The following NKX3-2 variants were observed in gnomAD, a reference collection of about 807,000 sequenced individuals.
NKX3-2 encodes the protein NK3 homeobox 2.
In NKX3-2, 13 loss-of-function variants were observed where a neutral mutation model predicts 19.4. The observed-to-expected ratio is 0.67, with a 90% confidence interval of 0.44 to 1.07. The LOEUF (loss-of-function observed/expected upper bound fraction) is 1.07, where lower values mean the gene tolerates loss of function less well. NKX3-2 is among the 50% of genes least tolerant of loss of function. The pLI, the probability that NKX3-2 is intolerant of heterozygous loss-of-function variation, is 0.00. For missense variants in NKX3-2, 562 were observed against 488.2 expected, an observed-to-expected ratio of 1.15 and a Z score of -1.42; for synonymous variants, 269 against 230.5, an observed-to-expected ratio of 1.17 and a Z score of -1.51.
Position 13,541,725 on chromosome 4 carries a change from T to G in NKX3-2, c.*268A>C. On this transcript the variant is annotated 3_prime_UTR_variant, in exon 2 of 2. Transcript: ENST00000382438. ...TTTAATTCCAACATTGTCATGATAA[T>G]AAATAGAGCCCAGGGGCTTCCAGGC... is the stretch of plus-strand genomic sequence containing the variant. 1 of 440,966 alleles carries G rather than the reference T, an allele frequency of 2.3e-6. No individual in the cohort carries two copies. The highest frequency in any genetic ancestry group is 5.3e-5 in the South Asian group (1 of 18,746). 27.3% of individuals were successfully genotyped at this position (440,966 alleles called of 1,614,324 possible). A position where few individuals can be genotyped will look rare whatever the true frequency, so the allele number is the denominator to read the frequency against.
At chr4:13,546,200 G>A (rs978417150), upstream of NKX3-2, 6 of 152,218 alleles carry the variant, frequency 3.9e-5, no homozygotes, top group Non-Finnish European at 8.8e-5. Flanking sequence ...CACCGCAGAA[G>A]GAAATACACT....
chr4:13,547,089 CG>C (rs1280622872), upstream of NKX3-2: 1 of 456,240 alleles, frequency 2.2e-6, no homozygotes, highest in South Asian at 1.5e-5. Flanking sequence ...GGTGAACTCG[CG>C]GGTCTTGAGC....
Position 13,544,387 on chromosome 4 carries a change from TC to T in NKX3-2, c.27del (p.Thr10ArgfsTer114). On this transcript the variant is annotated frameshift_variant, in exon 1 of 2. Coordinates refer to ENST00000382438, the MANE Select transcript of NKX3-2 (RefSeq NM_001189.4). LOFTEE classifies it high-confidence loss of function. The stretch of plus-strand genomic sequence containing the variant: ...AGGATCGCCTGGATGGAGAAGGACG[TC>T]AAGGTGTTGGCGCCGCGCACAGCCA... MAVRGANT[L>X]TSFSIQAILN... 1 of 1,547,724 alleles carries T rather than the reference TC, an allele frequency of 6.5e-7. No homozygotes were observed. Among genetic ancestry groups the T allele is most frequent in the Non-Finnish European group, 8.6e-7 (1 of 1,156,798 alleles).
At chr4:13,545,949 T>C (rs1718123615), upstream of NKX3-2, 1 of 152,236 alleles carries the variant, frequency 6.6e-6, no homozygotes, top group African/African-American at 2.4e-5. Context: ...ATTGTGGGTA[T>C]ATAAAAACAT....
rs773583234 is a variant in NKX3-2, at chr4:13,542,452, G to T, written c.543C>A (p.Ala181=). Residue 181 remains alanine, a synonymous_variant, in exon 2 of 2, where the codon GCC becomes GCA. Transcript: ENST00000382438. The surrounding 1 kb of genome is among the most constrained non-coding windows in gnomAD (Gnocchi z 6.4). Reference sequence around the variant, plus strand: ...CCGGCCCGCTGCCGCCCCCGCCGCCGGCCCCGCTGCACAGCGCGGACACGT... The same window carrying T: ...CCGGCCCGCTGCCGCCCCCGCCGCCTGCCCCGCTGCACAGCGCGGACACGT... ...GAHVSALCSG[A]GGGGGSGPAG... The T allele has an allele frequency of 1.3e-6, 2 of 1,578,390 alleles. No homozygotes were observed. Among genetic ancestry groups the T allele is most frequent in the East Asian group, 2.3e-5 (1 of 43,756 alleles).
In NKX3-2 at chr4:13,542,170, G is replaced by A; in HGVS notation, c.825C>T (p.Pro275=). ...CCTTTACGGCCACCTTCTTGGCGGC[G>A]GGCGCCGAGGCCAGCAGGTCGGCTG... is the stretch of plus-strand genomic sequence containing the variant. ...QMAADLLASA[P]AAKKVAVKVL... is the part of the protein sequence containing the mutation. Residue 275 remains proline, a synonymous_variant, in exon 2 of 2, where the codon CCC becomes CCT. Coordinates refer to ENST00000382438, the MANE Select transcript of NKX3-2 (RefSeq NM_001189.4). This position sits in a 1 kb window ranked among gnomAD's most constrained non-coding sequence, Gnocchi z 6.4. 1.2e-6 allele frequency: 2 copies of A among 1,608,546 alleles called. No individual in the cohort carries two copies. Among genetic ancestry groups the A allele is most frequent in the South Asian group, 2.2e-5 (2 of 90,418 alleles).
chr4:13,545,142 C>T (rs1277752852), upstream of NKX3-2: 2 of 152,486 alleles, frequency 1.3e-5, no homozygotes, highest in Admixed American at 6.5e-5. Context: ...CATTGGCTGG[C>T]TCCAGTTGGG....
In NKX3-2 at chr4:13,544,272, G is replaced by T. The variant is rs746952594; in HGVS notation, c.143C>A (p.Ala48Asp). ...CCCAAAGAGCCGCCAACAGCAGACA[G>T]CGGGAGCCGCGGCCACCGATGCCGC... is the stretch of plus-strand genomic sequence containing the variant. ...GTAASVAAAP[A>D]VCCWRLFGER... Residue 48 changes from alanine to aspartate, a missense_variant, in exon 1 of 2, where the codon GCT (alanine) becomes GAT (aspartate). Transcript: ENST00000382438. The T allele has an allele frequency of 6.4e-7, 1 of 1,551,998 alleles. No individual in the cohort carries two copies.
Position 13,544,117 on chromosome 4 carries a change from C to T in NKX3-2, c.298G>A (p.Glu100Lys). Residue 100 changes from glutamate (E) to lysine (K), a missense_variant, in exon 1 of 2, where the codon GAG becomes AAG. Glu to Lys is a moderately conservative substitution (Grantham distance 56, BLOSUM62 1). Transcript: ENST00000382438. ...GCGCAGCGCCGCCTGCTCTCGTTCT[C>T]CTCGCTGAGCGCGGAGTCCGAGTCC... ...GWDSDSALSE[E>K]NESRRRCADA... The T allele has an allele frequency of 1.2e-6, 2 of 1,601,886 alleles. No individual in the cohort carries two copies. Among genetic ancestry groups the T allele is most frequent in the Non-Finnish European group, 1.7e-6 (2 of 1,176,672 alleles).
upstream of NKX3-2, chr4:13,547,042 T>C (rs1382826221): frequency 2.2e-6 from 1 of 456,216 alleles, no homozygotes; most frequent in African/African-American, 2.0e-5. Flanking sequence ...TGTGGGTGAC[T>C]GTAGGCAGAG....
chr4:13,541,961 G>C lies in NKX3-2; in HGVS notation c.*32C>G, dbSNP rs1717995321. 1 of 1,557,882 alleles carries C rather than the reference G, an allele frequency of 6.4e-7. No homozygotes were observed. Among genetic ancestry groups the C allele is most frequent in the Non-Finnish European group, 8.7e-7 (1 of 1,151,666 alleles). ...CAGCGCCGGTCCGGAGCCGGAGCGC[G>C]GGAATCACTCGCTGCCTCAGCCCAA... On this transcript the variant is annotated 3_prime_UTR_variant, in exon 2 of 2. Transcript: ENST00000382438.
upstream of NKX3-2, among the ~76,000 whole-genome samples, chr4:13,545,892 A>T (rs1223514198): frequency 6.6e-6 from 1 of 152,252 alleles, no homozygotes; most frequent in African/African-American, 2.4e-5. Context: ...AAAATAAGAA[A>T]TGCATTGTAT....
chr4:13,542,437 G>GCCGCCC lies in NKX3-2; in HGVS notation c.552_557dup (p.Gly185_Gly186dup). 1.9e-6 allele frequency: 3 copies of GCCGCCC among 1,559,240 alleles called. No homozygotes were observed. The highest frequency in any genetic ancestry group is 2.6e-6 in the Non-Finnish European group (3 of 1,160,140). Reference sequence around the variant, plus strand: ...CCTCCGCGACGCCTGCCGGCCCGCTGCCGCCCCCGCCGCCGGCCCCGCTGC... The same window carrying GCCGCCC: ...CCTCCGCGACGCCTGCCGGCCCGCTGCCGCCCCCGCCCCCGCCGCCGGCCCCGCTGC... On this transcript the variant is annotated inframe_insertion, in exon 2 of 2. Coordinates refer to ENST00000382438, the MANE Select transcript of NKX3-2 (RefSeq NM_001189.4). This position sits in a 1 kb window ranked among gnomAD's most constrained non-coding sequence, Gnocchi z 6.4.
In NKX3-2 at chr4:13,542,468, G is replaced by A. The variant is rs1431941324; in HGVS notation, c.527C>T (p.Ala176Val). Reference protein sequence around the residue: ...GVGPRGAHVSALCSGAGGGGG... With the variant: ...GVGPRGAHVSVLCSGAGGGGG... Reference sequence around the variant, plus strand: ...CCCGCCGCCGGCCCCGCTGCACAGCGCGGACACGTGTGCACCTCTGGGGCC... The same window carrying A: ...CCCGCCGCCGGCCCCGCTGCACAGCACGGACACGTGTGCACCTCTGGGGCC... The change falls in exon 2 of 2, where the codon GCG (alanine) becomes GTG (valine). Residue 176 changes from alanine to valine, a missense_variant. Physicochemically the swap from Ala to Val is moderately conservative, Grantham distance 64 (BLOSUM62 0). Transcript: ENST00000382438. This position sits in a 1 kb window ranked among gnomAD's most constrained non-coding sequence, Gnocchi z 6.4. The A allele has an allele frequency of 5.6e-6, 9 of 1,595,454 alleles. No individual in the cohort carries two copies. The East Asian group carries it at 1.8e-4, about 32-fold the overall frequency.
At chr4:13,546,894 C>A (rs1020923476), upstream of NKX3-2, 3 of 455,896 alleles carry the variant, frequency 6.6e-6, no homozygotes, top group African/African-American at 4.0e-5. Flanking sequence ...TGTGGTTTGG[C>A]GACTTTGAGT....
In NKX3-2 at chr4:13,543,920, GC is replaced by G; in HGVS notation, c.466+28del. On this transcript the variant is annotated intron_variant, in intron 1 of 1. Transcript: ENST00000382438. The surrounding 1 kb of genome is among the most constrained non-coding windows in gnomAD (Gnocchi z 7.1). ...CCTCCGCGTCCATCCCCTCAGCCCG[GC>G]CCCCATCCCCGCGAAGCCGCAGCAG... 2 of 1,523,764 alleles carry G rather than the reference GC, an allele frequency of 1.3e-6. No individual in the cohort carries two copies. The allele number at this position is 1,523,764 out of a possible 1,614,324, so 94.4% of individuals were successfully genotyped here.
In NKX3-2 at chr4:13,542,314, G is replaced by C. The variant is rs1336029960; in HGVS notation, c.681C>G (p.His227Gln). Residue 227 changes from histidine (H) to glutamine (Q), a missense_variant, in exon 2 of 2, where the codon CAC becomes CAG. Physicochemically the swap from His to Gln is conservative, Grantham distance 24 (BLOSUM62 0). Transcript: ENST00000382438. This position sits in a 1 kb window ranked among gnomAD's most constrained non-coding sequence, Gnocchi z 6.4. The part of the protein sequence containing the change: ...QVFELERRFN[H>Q]QRYLSGPERA... ...GCTCGGGCCCGGACAGGTAGCGCTGGTGGTTAAAGCGGCGCTCCAGCTCGA... is the reference window on the plus strand; with the variant it reads ...GCTCGGGCCCGGACAGGTAGCGCTGCTGGTTAAAGCGGCGCTCCAGCTCGA... 2 of 1,598,902 alleles carry C rather than the reference G, an allele frequency of 1.3e-6. No homozygotes were observed. The highest frequency in any genetic ancestry group is 2.2e-5 in the South Asian group (2 of 89,442).
At chr4:13,546,305 C>G (rs1238172703), upstream of NKX3-2, 1 of 153,614 alleles carries the variant, frequency 6.5e-6, no homozygotes, top group Non-Finnish European at 1.4e-5. Context: ...TTGTGCAAAC[C>G]TTGTAGGGTA....
chr4:13,546,486 C>T (rs1718135807), upstream of NKX3-2: 1 of 197,988 alleles, frequency 5.1e-6, no homozygotes, highest in African/African-American at 2.3e-5. Context: ...CCTCTCCTCC[C>T]CCGCTGTATT....
Sources: gnomAD v4.1 joint callset for allele counts (sites outside exome capture counted in the v4.1 genomes callset) on GRCh38, gnomAD v4.1.1 for gene constraint, Gnocchi (gnomAD v3.1) non-coding constraint, MANE v1.5 for transcripts, NCBI Gene and HGNC (gene_info 2026-07-23, HGNC 2026-07-21) for gene names.